Variants in TLL2 observed in about 807,000 individuals in gnomAD.
The protein encoded by TLL2 is tolloid like 2.
In TLL2, 106 loss-of-function variants were observed where a neutral mutation model predicts 123.0. The ratio of observed to expected loss-of-function variants is 0.86; its 90% CI spans 0.74 to 1.01. The LOEUF is 1.01. TLL2 is among the 50% of genes least tolerant of loss of function. The probability of loss-of-function intolerance (pLI) is 0.00; values close to 1 mark genes in which losing one functional copy is unlikely to be tolerated. For missense variants in TLL2, 1,332 were observed against 1,336.7 expected, an observed-to-expected ratio of 1.00 and a Z score of 0.06; for synonymous variants, 494 against 516.8, an observed-to-expected ratio of 0.96 and a Z score of 0.60.
chr10:96,399,963 T>C (rs1435957714), intron 10 of TLL2, among the ~76,000 whole-genome samples: 1 of 152,196 alleles, frequency 6.6e-6, no homozygotes, highest in East Asian at 1.9e-4. Context: ...TATATTTTAC[T>C]GCCTTGGCAA....
chr10:96,369,727 A>G (rs1846060252), intron 20 of TLL2, among the ~76,000 whole-genome samples: 1 of 150,564 alleles, frequency 6.6e-6, no homozygotes, highest in Non-Finnish European at 1.5e-5. Context: ...AGCCTGGGCG[A>G]CAGAGCAAGA....
chr10:96,448,901 T>C (rs1797394821), intron 2 of TLL2, among the ~76,000 whole-genome samples: 1 of 152,126 alleles, frequency 6.6e-6, no homozygotes, highest in Non-Finnish European at 1.5e-5. Context: ...ATTTTGGCTT[T>C]TATTCTGAGT....
chr10:96,442,291 T>C (rs958137914), intron 3 of TLL2, among the ~76,000 whole-genome samples: 15 of 152,176 alleles, frequency 9.9e-5, no homozygotes, highest in African/African-American at 3.4e-4. Context: ...CCTCAGATCC[T>C]TTCTCCTGCC....
intron 7 of TLL2, 69 bp downstream of exon 7, chr10:96,420,887 C>T (rs3789952): frequency 0.15 from 220,449 of 1,435,102 alleles, 18,221 homozygotes; most frequent in South Asian, 0.18. Context: ...CCGCAGACCT[C>T]CAGGAATCCA....
intron 3 of TLL2, among the ~76,000 whole-genome samples, chr10:96,443,828 A>G (rs1328478502): frequency 6.6e-6 from 1 of 152,222 alleles, no homozygotes; most frequent in African/African-American, 2.4e-5. Context: ...AAGTCAAAAT[A>G]TCCTTAAATA....
chr10:96,400,668 A>G (rs1846384776), intron 10 of TLL2, among the ~76,000 whole-genome samples: 1 of 152,224 alleles, frequency 6.6e-6, no homozygotes, highest in South Asian at 2.1e-4. Flanking sequence ...GCCTTTCTGA[A>G]CTTCCCTCTC....
At chr10:96,412,908 G>A (rs1340745009) in intron 8 of TLL2, among the ~76,000 whole-genome samples, 2 of 152,180 alleles carry the variant, frequency 1.3e-5, no homozygotes, top group Non-Finnish European at 2.9e-5. Flanking sequence ...CTGTTGTTCT[G>A]TTATGCCTTC....
Position 96,492,805 on chromosome 10 carries a change from T to G in TLL2, c.176-12346A>C, listed in dbSNP as rs150459919. ...ACTGGGAATGCGGCATTTCCCAACA[T>G]AGTTGCTTCTGAGATCTCCTTTCAC... On this transcript the variant is annotated intron_variant, in intron 1 of 20. Coordinates refer to ENST00000357947, the MANE Select transcript of TLL2 (RefSeq NM_012465.4). 2.1e-3 allele frequency among the ~76,000 whole-genome samples: 322 copies of G among 152,304 alleles called. 4 individuals carry two copies. The highest frequency in any genetic ancestry group is 7.5e-3 in the African/African-American group (310 of 41,564).
At chr10:96,452,842 GA>G (rs936572077) in intron 2 of TLL2, among the ~76,000 whole-genome samples, 2 of 152,178 alleles carry the variant, frequency 1.3e-5, no homozygotes, top group African/African-American at 4.8e-5. Context: ...TTATTCATTA[GA>G]AAAAAATTAA....
intron 9 of TLL2, among the ~76,000 whole-genome samples, chr10:96,406,739 G>A (rs1020373273): frequency 6.6e-5 from 10 of 151,862 alleles, no homozygotes; most frequent in East Asian, 1.9e-4. Context: ...TGCCCTTCCC[G>A]CTCCCTACTA....
intron 2 of TLL2, among the ~76,000 whole-genome samples, chr10:96,457,302 C>A (rs1017732831): frequency 6.6e-6 from 1 of 152,294 alleles, no homozygotes; most frequent in Admixed American, 6.5e-5. Context: ...GCCTGCTGCA[C>A]CCCAGCCTCC....
chr10:96,482,483 T>C (rs747601538), intron 1 of TLL2, among the ~76,000 whole-genome samples: 5 of 152,224 alleles, frequency 3.3e-5, no homozygotes, highest in African/African-American at 7.2e-5. Context: ...ACAACAGAAC[T>C]ATGTAGCAAT....
intron 1 of TLL2, among the ~76,000 whole-genome samples, chr10:96,507,727 G>C (rs912487): frequency 0.98 from 148,697 of 152,272 alleles, 72,692 homozygotes; most frequent in Middle Eastern, 1. Context: ...GGTCACACAG[G>C]CTTGCCTAGG....
In TLL2 at chr10:96,386,080, T is replaced by G. The variant is rs1015981986; in HGVS notation, c.1988A>C (p.Glu663Ala). ...GTCATTGCCTTCCAGTTCAAACACT[T>G]CAAACTGAAGGGAGATCCGGTACTG... ...PAQYRISLQF[E>A]VFELEGNDVC... Residue 663 changes from glutamate (E) to alanine (A), a missense_variant, in exon 15 of 21, where the codon GAA (glutamate) becomes GCA (alanine). Transcript: ENST00000357947. 6 of 1,607,674 alleles carry G rather than the reference T, an allele frequency of 3.7e-6. No homozygotes were observed. Among genetic ancestry groups the G allele is most frequent in the Non-Finnish European group, 5.1e-6 (6 of 1,177,164 alleles).
At chr10:96,435,191 C>T (rs995918873) in intron 3 of TLL2, among the ~76,000 whole-genome samples, 4 of 151,846 alleles carry the variant, frequency 2.6e-5, no homozygotes, top group Non-Finnish European at 5.9e-5. Context: ...ACCACCACAC[C>T]CAGCTAATTT....
intron 2 of TLL2, among the ~76,000 whole-genome samples, chr10:96,476,873 C>CACACAG (rs1554939722): frequency 8.3e-4 from 115 of 138,778 alleles, no homozygotes; most frequent in African/African-American, 3.1e-3. Flanking sequence ...CACACACACA[C>CACACAG]ACACACACAC....
intron 6 of TLL2, 128 bp downstream of exon 6, chr10:96,422,421 G>A: frequency 8.8e-7 from 1 of 1,132,354 alleles, no homozygotes; most frequent in South Asian, 1.5e-5. Context: ...GTACAACAGA[G>A]TCATTGCTCC....
chr10:96,397,301 G>A lies in TLL2; in HGVS notation c.1269C>T (p.Gly423=). The change falls in exon 11 of 21, where the codon GGC becomes GGT. Residue 423 remains glycine, a splice_region_variant and synonymous_variant. Transcript: ENST00000357947. ...DGYWRKAPLL[G]RFCGDKIPEP... is the part of the protein sequence containing the mutation. ...CCGGGATCTTATCGCCACAAAACCT[G>A]CCTGGAAAGTGGAAAAAGAAGCAGT... The A allele has an allele frequency of 6.2e-7, 1 of 1,610,936 alleles. No individual in the cohort carries two copies.
chr10:96,402,653 G>T (rs112575536), intron 10 of TLL2, among the ~76,000 whole-genome samples: 4,003 of 152,268 alleles, frequency 0.026, 198 homozygotes, highest in African/African-American at 0.091. Flanking sequence ...TGCAGTAGAC[G>T]TGCTCCTGTC....
Sources: gnomAD v4.1 joint callset for allele counts (sites outside exome capture counted in the v4.1 genomes callset) on GRCh38, gnomAD v4.1.1 for gene constraint, MANE v1.5 for transcripts, NCBI Gene and HGNC (gene_info 2026-07-23, HGNC 2026-07-21) for gene names.